HDGFL3: variants seen among roughly 807,000 people sequenced by gnomAD.
HDGFL3 encodes the protein HDGF like 3.
HDGFL3 carries 6 observed loss-of-function variants against 27.6 expected under a neutral mutation model. The observed-to-expected ratio is 0.22, with a 90% confidence interval of 0.12 to 0.43. The LOEUF is 0.43. Among genes scored for constraint, HDGFL3 ranks in the 20% least tolerant of loss-of-function variants. The pLI is 1.00. For missense variants in HDGFL3, 207 were observed against 250.1 expected (o/e 0.83, Z 1.16); for synonymous variants, 88 against 88.9 (o/e 0.99, Z 0.05).
intron 2 of HDGFL3, among the ~76,000 whole-genome samples, chr15:83,161,089 G>C (rs1454529013): frequency 6.6e-6 from 1 of 152,160 alleles, no homozygotes; most frequent in African/African-American, 2.4e-5. Flanking sequence ...AATTTGTCGT[G>C]AATTATTAGA....
intron 1 of HDGFL3, among the ~76,000 whole-genome samples, chr15:83,167,504 G>T (rs2037186287): frequency 6.6e-6 from 1 of 150,984 alleles, no homozygotes; most frequent in Non-Finnish European, 1.5e-5. Context: ...ATTGCAGTCA[G>T]CCAAGACTGC....
chr15:83,141,697 C>A (rs1231370371), intron 5 of HDGFL3, among the ~76,000 whole-genome samples: 1 of 152,140 alleles, frequency 6.6e-6, no homozygotes, highest in Admixed American at 6.5e-5. Flanking sequence ...TATCCTCCTG[C>A]CTCAGCCTAT....
chr15:83,198,399 A>G (rs1235064227), intron 1 of HDGFL3, among the ~76,000 whole-genome samples: 1 of 152,228 alleles, frequency 6.6e-6, no homozygotes, highest in Non-Finnish European at 1.5e-5. Context: ...TTCAAACTGT[A>G]GGTAATGAAA....
In HDGFL3 at chr15:83,128,827, G is replaced by A. The variant is rs1440080560; in HGVS notation, c.*10443C>T. On this transcript the variant is annotated 3_prime_UTR_variant, in exon 6 of 6. Transcript: ENST00000299633. ...TCCTCTACATCTAGACCACCACTAA[G>A]TCCTTTTTTTTTTCTTTTAAAGAGA... 1.3e-5 allele frequency: 2 copies of A among 151,710 alleles called. No homozygotes were observed. Among genetic ancestry groups the A allele is most frequent in the East Asian group, 1.9e-4 (1 of 5,178 alleles). The allele number at this position is 151,710 out of a possible 1,614,324, so 9.4% of individuals were successfully genotyped here.
intron 1 of HDGFL3, among the ~76,000 whole-genome samples, chr15:83,181,413 A>C (rs1353886450): frequency 3.9e-5 from 6 of 152,234 alleles, no homozygotes; most frequent in Non-Finnish European, 5.9e-5. Flanking sequence ...CGAATAGTTA[A>C]AAGTGAGGCA....
chr15:83,165,794 CAA>C (rs57873221), intron 1 of HDGFL3, among the ~76,000 whole-genome samples: 11 of 13,842 alleles, frequency 7.9e-4, no homozygotes, highest in Admixed American at 2.5e-3. Flanking sequence ...GAATCCATCT[CAA>C]AAAAAAAAAA....
chr15:83,201,248 T>C (rs1389992497), intron 1 of HDGFL3, among the ~76,000 whole-genome samples: 1 of 152,098 alleles, frequency 6.6e-6, no homozygotes, highest in Admixed American at 6.6e-5. Context: ...AAATAAATTA[T>C]GAGAAAAATA....
chr15:83,177,819 A>G (rs1184826685), intron 1 of HDGFL3, among the ~76,000 whole-genome samples: 1 of 152,232 alleles, frequency 6.6e-6, no homozygotes, highest in African/African-American at 2.4e-5. Context: ...TTGCTACAAC[A>G]ATTTCATATG....
At position 83,130,187 on chromosome 15, in the gene HDGFL3, AG is replaced by A. The variant is rs1379019173; in HGVS notation, c.*9082del. 6.6e-6 allele frequency: 1 copy of A among 152,328 alleles called. No homozygotes were observed. The highest frequency in any genetic ancestry group is 1.5e-5 in the Non-Finnish European group (1 of 68,120). The allele number at this position is 152,328 out of a possible 1,614,324, so 9.4% of individuals were successfully genotyped here. A position where few individuals can be genotyped will look rare whatever the true frequency, so the allele number is the denominator to read the frequency against. On this transcript the variant is annotated 3_prime_UTR_variant, in exon 6 of 6. Transcript: ENST00000299633. ...ACAAATGGAAACAGCAGGAAAACCT[AG>A]GCAAAAGCCTAGTCACATGGCCAGG...
chr15:83,185,553 G>T (rs1429947023), intron 1 of HDGFL3, among the ~76,000 whole-genome samples: 10 of 152,172 alleles, frequency 6.6e-5, no homozygotes, highest in Admixed American at 5.2e-4. Context: ...TCCCGTCAAA[G>T]AGGCTACCCG....
rs540498375 is a variant in HDGFL3 at position 83,161,330 on chromosome 15, T to C, written c.161+2669A>G. Reference sequence around the variant, plus strand: ...GACTACAGCCACCATGCCTGGCTAATGTTATTTTTTTGTAGAGACGGGATC... The same window carrying C: ...GACTACAGCCACCATGCCTGGCTAACGTTATTTTTTTGTAGAGACGGGATC... On this transcript the variant is annotated intron_variant, in intron 2 of 5. Coordinates refer to ENST00000299633, the MANE Select transcript of HDGFL3 (RefSeq NM_016073.4). Among the ~76,000 whole-genome samples, 3 of 152,274 alleles carry C rather than the reference T, an allele frequency of 2.0e-5. 1 individual carries two copies. The highest frequency in any genetic ancestry group is 7.2e-5 in the African/African-American group (3 of 41,552).
rs2037054511 is a variant in HDGFL3, at chr15:83,157,984, T to C, written c.219A>G (p.Gly73=). ...TAAATCCTTTCCGTTTGTTTGACTTTCCAAACTTGTCTTTGTACTCCTTAT... is the reference window on the plus strand; with the variant it reads ...TAAATCCTTTCCGTTTGTTTGACTTCCCAAACTTGTCTTTGTACTCCTTAT... The part of the protein sequence containing the change: ...FPYKEYKDKF[G]KSNKRKGFNE... The change falls in exon 3 of 6, where the codon GGA becomes GGG. Residue 73 remains glycine, a synonymous_variant. Coordinates refer to ENST00000299633, the MANE Select transcript of HDGFL3 (RefSeq NM_016073.4). 6.2e-7 allele frequency: 1 copy of C among 1,612,480 alleles called. No homozygotes were observed. Among genetic ancestry groups the C allele is most frequent in the Admixed American group, 1.7e-5 (1 of 60,008 alleles).
At chr15:83,151,719 T>A (rs917841393) in intron 4 of HDGFL3, among the ~76,000 whole-genome samples, 1 of 152,204 alleles carries the variant, frequency 6.6e-6, no homozygotes, top group Non-Finnish European at 1.5e-5. Flanking sequence ...AAGTGGAAGG[T>A]ACCCTAAAGG....
intron 1 of HDGFL3, among the ~76,000 whole-genome samples, chr15:83,182,242 T>A (rs564025818): frequency 6.6e-6 from 1 of 152,260 alleles, no homozygotes; most frequent in Non-Finnish European, 1.5e-5. Flanking sequence ...TGTATTTACT[T>A]TAAATTTTAG....
At chr15:83,171,408 A>G (rs1169860299) in intron 1 of HDGFL3, among the ~76,000 whole-genome samples, 1 of 152,168 alleles carries the variant, frequency 6.6e-6, no homozygotes, top group Non-Finnish European at 1.5e-5. Flanking sequence ...TATCCAAAAG[A>G]AAACAAATTG....
At chr15:83,154,942 C>G (rs533778058) in intron 4 of HDGFL3, among the ~76,000 whole-genome samples, 3 of 152,260 alleles carry the variant, frequency 2.0e-5, no homozygotes, top group Admixed American at 1.3e-4. Flanking sequence ...GATCATGGCT[C>G]AGTACTCGCC....
rs1379334524 is a variant in HDGFL3, at chr15:83,134,358, T to TC, written c.*4911_*4912insG. The TC allele has an allele frequency of 6.6e-6, 1 of 152,160 alleles. No individual in the cohort carries two copies. Among genetic ancestry groups the TC allele is most frequent in the Non-Finnish European group, 1.5e-5 (1 of 68,070 alleles). The allele number at this position is 152,160 out of a possible 1,614,324, so 9.4% of individuals were successfully genotyped here. A position where few individuals can be genotyped will look rare whatever the true frequency, so the allele number is the denominator to read the frequency against. On this transcript the variant is annotated 3_prime_UTR_variant, in exon 6 of 6. Coordinates refer to ENST00000299633, the MANE Select transcript of HDGFL3 (RefSeq NM_016073.4). ...GCCTCAGCCTCCCGAGCAGCTGAGA[T>TC]TACAGGCGTCTGCCACCACGCCCGG... is the stretch of plus-strand genomic sequence containing the variant.
chr15:83,164,961 A>C (rs1365775534), intron 1 of HDGFL3, among the ~76,000 whole-genome samples: 1 of 152,200 alleles, frequency 6.6e-6, no homozygotes, highest in Admixed American at 6.5e-5. Context: ...CTGATGGTTG[A>C]ACTTCTCATC....
At chr15:83,123,394 G>T (rs1307176794), downstream of HDGFL3, among the ~76,000 whole-genome samples, 4 of 152,212 alleles carry the variant, frequency 2.6e-5, no homozygotes, top group Non-Finnish European at 5.9e-5. Context: ...AGCCAAGGTA[G>T]TCAAGGTGAA....
Sources: gnomAD v4.1 joint callset for allele counts (sites outside exome capture counted in the v4.1 genomes callset) on GRCh38, gnomAD v4.1.1 for gene constraint, MANE v1.5 for transcripts, NCBI Gene and HGNC (gene_info 2026-07-23, HGNC 2026-07-21) for gene names.